The following ARHGAP6 variants were observed in gnomAD, a reference collection of about 807,000 sequenced individuals.
ARHGAP6 encodes Rho GTPase activating protein 6.
Under a neutral mutation model 55.7 loss-of-function variants are expected in ARHGAP6, and 16 were observed. The observed-to-expected ratio is 0.29, with a 90% CI of 0.19 to 0.44. The LOEUF is 0.44. ARHGAP6 is among the 20% of genes least tolerant of loss of function. The pLI is 1.00. For synonymous variants in ARHGAP6, 382 were observed against 360.9 expected (o/e 1.06, Z -0.66); for missense variants, 698 against 808.9 (o/e 0.86, Z 1.66).
At chrX:11,573,912 AG>A (rs1252889938) in intron 1 of ARHGAP6, among the ~76,000 whole-genome samples, 14 of 111,289 alleles carry the variant, frequency 1.3e-4, no homozygotes, top group Non-Finnish European at 2.4e-4. Context: ...GTCCCTTGTA[AG>A]TTGAATTCCT....
chrX:11,175,782 G>A (rs929147338), intron 8 of ARHGAP6, among the ~76,000 whole-genome samples: 2 of 110,489 alleles, frequency 1.8e-5, no homozygotes, highest in African/African-American at 3.3e-5. Context: ...TGCACAGGAC[G>A]GCCCCATGAC....
chrX:11,442,744 G>A (rs1277976897), intron 1 of ARHGAP6, among the ~76,000 whole-genome samples: 2 of 111,669 alleles, frequency 1.8e-5, no homozygotes, highest in Non-Finnish European at 3.8e-5. Flanking sequence ...AGACCACCTA[G>A]TCAGTCACAC....
intron 1 of ARHGAP6, among the ~76,000 whole-genome samples, chrX:11,578,682 AT>A (rs1458282557): frequency 8.9e-6 from 1 of 111,924 alleles, no homozygotes; most frequent in African/African-American, 3.3e-5. Context: ...ATTACTGGGT[AT>A]ATACCCAAAG....
chrX:11,463,504 A>T (rs1223864450), intron 1 of ARHGAP6, among the ~76,000 whole-genome samples: 1 of 110,591 alleles, frequency 9.0e-6, no homozygotes, highest in African/African-American at 3.3e-5. Context: ...ATACCTGGCT[A>T]ACTTTTTGAT....
chrX:11,385,974 G>T (rs769808769), intron 1 of ARHGAP6, among the ~76,000 whole-genome samples: 1 of 112,546 alleles, frequency 8.9e-6, no homozygotes, highest in African/African-American at 3.2e-5. Context: ...AAAAGCTAAG[G>T]CTTTAAAAAA....
intron 1 of ARHGAP6, among the ~76,000 whole-genome samples, chrX:11,277,564 A>G (rs12393848): frequency 0.21 from 22,761 of 110,830 alleles, 1,837 homozygotes; most frequent in Middle Eastern, 0.34. Context: ...AACTCATGCA[A>G]TGTTTCCACT....
In ARHGAP6 at chrX:11,188,870, A is replaced by C; in HGVS notation, c.935T>G (p.Val312Gly). ...ATTTCCAAATGGGAGGAGGGAAGCCACAAAGTCAGATGCATCTTTCTGCTC... is the reference window on the plus strand; with the variant it reads ...ATTTCCAAATGGGAGGAGGGAAGCCCCAAAGTCAGATGCATCTTTCTGCTC... Reference protein sequence around the residue: ...RDEQKDASDFVASLLPFGNKR... With the variant: ...RDEQKDASDFGASLLPFGNKR... Residue 312 changes from valine to glycine, a missense_variant, in exon 4 of 13, where the codon GTG (valine) becomes GGG (glycine). Transcript: ENST00000337414. 1 of 1,211,710 alleles carries C rather than the reference A, an allele frequency of 8.3e-7. No homozygotes were observed. The highest frequency in any genetic ancestry group is 1.1e-6 in the Non-Finnish European group (1 of 895,543).
intron 1 of ARHGAP6, among the ~76,000 whole-genome samples, chrX:11,657,125 T>C (rs147067410): frequency 0.01 from 1,152 of 111,247 alleles, 27 homozygotes; most frequent in East Asian, 0.069. Flanking sequence ...GTAAAAGGCA[T>C]TGAAATGACT....
intron 10 of ARHGAP6, among the ~76,000 whole-genome samples, chrX:11,150,069 C>T (rs898192336): frequency 1.8e-5 from 2 of 111,716 alleles, no homozygotes; most frequent in Non-Finnish European, 3.8e-5. Flanking sequence ...TCTCCAAATG[C>T]AGTTAAATTT....
chrX:11,297,574 T>G (rs1376162078), intron 1 of ARHGAP6, among the ~76,000 whole-genome samples: 3 of 112,407 alleles, frequency 2.7e-5, no homozygotes, highest in Non-Finnish European at 3.8e-5. Flanking sequence ...TCCTCAAACC[T>G]AAGGCTAACC....
In ARHGAP6 at chrX:11,346,366, A is replaced by T. The variant is rs887355035; in HGVS notation, c.589-91659T>A. Among the ~76,000 whole-genome samples, 12 of 111,700 alleles carry T rather than the reference A, an allele frequency of 1.1e-4. 1 individual carries two copies. The Admixed American group carries it at 1.1e-3, about 11-fold the overall frequency. On this transcript the variant is annotated intron_variant, in intron 1 of 12. Transcript: ENST00000337414. ...TGTGACAAAATCTGTATAGCCTCAA[A>T]AGCCTGAAATACTTACCATCTGTCC...
intron 1 of ARHGAP6, among the ~76,000 whole-genome samples, chrX:11,358,926 G>A (rs956413314): frequency 2.7e-4 from 30 of 111,671 alleles, no homozygotes; most frequent in African/African-American, 9.4e-4. Flanking sequence ...CTTCATAAAG[G>A]TCCTCCACCC....
intron 1 of ARHGAP6, among the ~76,000 whole-genome samples, chrX:11,270,145 C>T (rs1164705871): frequency 8.9e-6 from 1 of 112,262 alleles, no homozygotes; most frequent in Non-Finnish European, 1.9e-5. Context: ...CCAGAAGTCA[C>T]ACAACTGGCA....
intron 1 of ARHGAP6, among the ~76,000 whole-genome samples, chrX:11,356,470 T>A (rs1220712756): frequency 8.9e-6 from 1 of 111,867 alleles, no homozygotes; most frequent in East Asian, 2.8e-4. Context: ...AGAAACTTGT[T>A]TGGCAAGATG....
At chrX:11,184,961 C>T (rs1602807795) in intron 5 of ARHGAP6, among the ~76,000 whole-genome samples, 1 of 112,187 alleles carries the variant, frequency 8.9e-6, no homozygotes, top group Non-Finnish European at 1.9e-5. Context: ...AGTGCTCCTA[C>T]ATTACAAACC....
chrX:11,561,053 T>C (rs966447051), intron 1 of ARHGAP6, among the ~76,000 whole-genome samples: 23 of 111,874 alleles, frequency 2.1e-4, no homozygotes, highest in Admixed American at 7.6e-4. Context: ...TTTATGGCTG[T>C]TATTGTAATA....
At chrX:11,368,810 T>G (rs1353797972) in intron 1 of ARHGAP6, among the ~76,000 whole-genome samples, 1 of 112,222 alleles carries the variant, frequency 8.9e-6, no homozygotes, top group Non-Finnish European at 1.9e-5. Context: ...TAAATATTTG[T>G]GGAATAAAAT....
At chrX:11,394,357 T>G (rs1206128061) in intron 1 of ARHGAP6, among the ~76,000 whole-genome samples, 1 of 111,183 alleles carries the variant, frequency 9.0e-6, no homozygotes, top group Non-Finnish European at 1.9e-5. Context: ...GAAAGTAGAT[T>G]AGTGGGTACC....
chrX:11,322,927 A>G (rs2048451877), intron 1 of ARHGAP6, among the ~76,000 whole-genome samples: 1 of 112,569 alleles, frequency 8.9e-6, no homozygotes. Context: ...GATGTAACTT[A>G]TATTATATTT....
Sources: gnomAD v4.1 joint callset for allele counts (sites outside exome capture counted in the v4.1 genomes callset) on GRCh38, gnomAD v4.1.1 for gene constraint, MANE v1.5 for transcripts, NCBI Gene and HGNC (gene_info 2026-07-23, HGNC 2026-07-21) for gene names.